The following COQ8A variants were observed in gnomAD, a reference collection of about 807,000 sequenced individuals.
COQ8A encodes atypical kinase COQ8A, mitochondrial.
In COQ8A, 51 loss-of-function variants were observed where a neutral mutation model predicts 65.0. The ratio of observed to expected loss-of-function variants is 0.78; its 90% CI spans 0.63 to 0.99. The LOEUF (loss-of-function observed/expected upper bound fraction) is 0.99. Ranked by LOEUF, COQ8A falls within the 50% of genes least tolerant of loss-of-function variation. The pLI is 0.00. For synonymous variants in COQ8A, 371 were observed against 353.2 expected, an observed-to-expected ratio of 1.05 and a Z score of -0.57; for missense variants, 940 against 875.0, an observed-to-expected ratio of 1.07 and a Z score of -0.94.
At chr1:226,974,535 ATCT>A (rs1449809330) in intron 4 of COQ8A, among the ~76,000 whole-genome samples, 1 of 152,228 alleles carries the variant, frequency 6.6e-6, no homozygotes, top group African/African-American at 2.4e-5. Context: ...TGAGGTGCTC[ATCT>A]TCTGGAGTTG....
chr1:226,979,487 G>T (rs1163330588), intron 5 of COQ8A, among the ~76,000 whole-genome samples: 3 of 152,174 alleles, frequency 2.0e-5, no homozygotes, highest in African/African-American at 4.8e-5. Context: ...CTTCCTCAAT[G>T]CCTCTGGAGT....
In COQ8A at chr1:226,982,041, C is replaced by T. The variant is rs199958142; in HGVS notation, c.745C>T (p.Leu249=). The change falls in exon 6 of 15, where the codon CTG becomes TTG. Residue 249 remains leucine (L), a synonymous_variant. Coordinates refer to ENST00000366777, the MANE Select transcript of COQ8A (RefSeq NM_020247.5). Reference sequence around the variant, plus strand: ...CCCGCCCACAGGGAAGAAGGCCGTGCTGGGTTCCAGTCCTTTCCTGTCCGA... The same window carrying T: ...CCCGCCCACAGGGAAGAAGGCCGTGTTGGGTTCCAGTCCTTTCCTGTCCGA... The part of the protein sequence containing the change: ...SEDPSGKKAV[L]GSSPFLSEAN... 1 of 1,612,944 alleles carries T rather than the reference C, an allele frequency of 6.2e-7. No individual in the cohort carries two copies. Among genetic ancestry groups the T allele is most frequent in the East Asian group, 2.2e-5 (1 of 44,878 alleles).
intron 5 of COQ8A, 63 bp downstream of exon 5, chr1:226,977,586 C>A: frequency 2.0e-6 from 3 of 1,505,880 alleles, no homozygotes; most frequent in Non-Finnish European, 1.8e-6. Context: ...CCTGTCAGCC[C>A]CCAGCCCCAC....
chr1:226,978,591 ACACT>A lies in COQ8A; in HGVS notation c.730+1070_730+1073del, dbSNP rs200774846. 8.3e-3 allele frequency among the ~76,000 whole-genome samples: 436 copies of A among 52,814 alleles called. 26 individuals are homozygous for A. The highest frequency in any genetic ancestry group is 0.019 in the African/African-American group (419 of 21,496). 34.6% of individuals were successfully genotyped at this position (52,814 alleles called of 152,430 possible). A position where few individuals can be genotyped will look rare whatever the true frequency, so the allele number is the denominator to read the frequency against. ...ACACACCACCTTACACACTCTCCAC[ACACT>A]CTACCCTCTACACACCCGCCCACCT... On this transcript the variant is annotated intron_variant, in intron 5 of 14. Transcript: ENST00000366777.
intron 1 of COQ8A, among the ~76,000 whole-genome samples, chr1:226,941,424 G>A (rs1656683201): frequency 6.6e-6 from 1 of 152,174 alleles, no homozygotes; most frequent in African/African-American, 2.4e-5. Flanking sequence ...TTGGAGGAAG[G>A]CCTTTCTCCC....
rs151183328 is a variant in COQ8A at position 226,966,630 on chromosome 1, G to A, written c.655+893G>A. On this transcript the variant is annotated intron_variant, in intron 4 of 14. Transcript: ENST00000366777. ...AGGGCTGTAGGCAGCAGAGGTCTGA[G>A]TGGTCCATGATGGTGCTGGTGCTGG... Among the ~76,000 whole-genome samples the A allele has an allele frequency of 4.7e-3, 712 of 152,326 alleles. 2 individuals carry two copies. Among genetic ancestry groups the A allele is most frequent in the Non-Finnish European group, 7.0e-3 (476 of 68,022 alleles).
chr1:226,977,520 T>G lies in COQ8A; in HGVS notation c.727T>G (p.Ser243Ala). 1 of 1,558,930 alleles carries G rather than the reference T, an allele frequency of 6.4e-7. No homozygotes were observed. The highest frequency in any genetic ancestry group is 8.7e-7 in the Non-Finnish European group (1 of 1,151,246). The change falls in exon 5 of 15, where the codon TCA becomes GCA. Residue 243 changes from serine (S) to alanine (A), a missense_variant. Physicochemically the swap from Ser to Ala is moderately conservative, Grantham distance 99. Coordinates refer to ENST00000366777, the MANE Select transcript of COQ8A (RefSeq NM_020247.5). ...AKKSLRSEDP[S>A]GKKAVLGSSP... The stretch of plus-strand genomic sequence containing the variant: ...GAAGAGCCTGCGCTCCGAGGACCCC[T>G]CAGGTGAGCCGGGCCCTTCAGTGGG...
intron 3 of COQ8A, 22 bp from the exon 4 acceptor site, chr1:226,965,649 T>A (rs774353638): frequency 3.0e-5 from 48 of 1,613,640 alleles, no homozygotes; most frequent in Non-Finnish European, 3.9e-5. Context: ...ATTCCACAGG[T>A]CTCTTTCTCG....
chr1:226,945,694 T>A (rs1319932828), intron 1 of COQ8A, among the ~76,000 whole-genome samples: 1 of 152,246 alleles, frequency 6.6e-6, no homozygotes, highest in Non-Finnish European at 1.5e-5. Context: ...ACCTGCTTGG[T>A]GCTCACGGTT....
chr1:226,950,215 C>G (rs962293828), intron 1 of COQ8A, among the ~76,000 whole-genome samples: 2 of 152,142 alleles, frequency 1.3e-5, no homozygotes, highest in African/African-American at 4.8e-5. Flanking sequence ...GTGTTGGGTC[C>G]TTCTCTGGAC....
rs549578296 is a variant in COQ8A, at chr1:226,984,861, T to C, written c.1507-15T>C. The C allele has an allele frequency of 2.2e-5, 36 of 1,613,876 alleles. No individual in the cohort carries two copies. The South Asian group carries it at 2.3e-4, about 10-fold the overall frequency. On this transcript the variant is annotated splice_polypyrimidine_tract_variant and intron_variant, in intron 12 of 14. Transcript: ENST00000366777. ...AGCACCAGGGCCAAACTTCTCCTGG[T>C]GTCTCTGTCCCCAGGTGGCTCTTTT...
At chr1:226,953,018 G>T (rs1377931134) in intron 1 of COQ8A, among the ~76,000 whole-genome samples, 1 of 151,952 alleles carries the variant, frequency 6.6e-6, no homozygotes, top group South Asian at 2.1e-4. Flanking sequence ...ACCTTTCACA[G>T]TGTTATTTTA....
intron 10 of COQ8A, 79 bp downstream of exon 10, chr1:226,983,933 C>T: frequency 1.3e-6 from 2 of 1,560,026 alleles, no homozygotes; most frequent in Non-Finnish European, 1.7e-6. Flanking sequence ...GGTGAAGGCC[C>T]CTCCAGCTCT....
In COQ8A at chr1:226,949,229, G is replaced by T. The variant is rs117381589; in HGVS notation, c.-10+8830G>T. On this transcript the variant is annotated intron_variant, in intron 1 of 14. Transcript: ENST00000366777. This position sits in a 1 kb window ranked among gnomAD's most constrained non-coding sequence, Gnocchi z 4.0. ...GAAAGGAGGCCGGGGGCCTGATTTC[G>T]ATGCCTGGGACTTCAGGCGCAGGAG... Among the ~76,000 whole-genome samples the T allele has an allele frequency of 6.6e-6, 1 of 152,082 alleles. No homozygotes were observed. The highest frequency in any genetic ancestry group is 1.9e-4 in the East Asian group (1 of 5,156).
Position 226,986,808 on chromosome 1 carries a change from G to A in COQ8A, c.*71G>A. ...CAGACAGGCCAAAAACCAGTAGCGAGGTCGTGGTGATGCTCTTTTTAACTC... is the reference window on the plus strand; with the variant it reads ...CAGACAGGCCAAAAACCAGTAGCGAAGTCGTGGTGATGCTCTTTTTAACTC... On this transcript the variant is annotated 3_prime_UTR_variant, in exon 15 of 15. Transcript: ENST00000366777. The A allele has an allele frequency of 6.4e-7, 1 of 1,552,930 alleles. No homozygotes were observed. The highest frequency in any genetic ancestry group is 2.4e-5 in the East Asian group (1 of 42,520).
intron 8 of COQ8A, 173 bp from the exon 9 acceptor site, chr1:226,983,379 C>A: frequency 1.4e-6 from 1 of 709,340 alleles, no homozygotes; most frequent in Non-Finnish European, 2.5e-6. Context: ...GACAACGAGG[C>A]TGTGATGGGG....
At position 226,946,687 on chromosome 1, in the gene COQ8A, A is replaced by C. The variant is rs559778747; in HGVS notation, c.-10+6288A>C. On this transcript the variant is annotated intron_variant, in intron 1 of 14. Coordinates refer to ENST00000366777, the MANE Select transcript of COQ8A (RefSeq NM_020247.5). The surrounding 1 kb of genome is among the most constrained non-coding windows in gnomAD (Gnocchi z 5.3). The stretch of plus-strand genomic sequence containing the variant: ...ATTTTAAAAGCTATCGAGGTTTTAC[A>C]TACACATGTAGTGCCTAAGGGTTGT... 3.3e-5 allele frequency among the ~76,000 whole-genome samples: 5 copies of C among 152,334 alleles called. No homozygotes were observed. In the South Asian group the frequency reaches 1.0e-3, roughly 32 times the overall value.
chr1:226,982,466 CCCA>C (rs1475601023), intron 6 of COQ8A: 2 of 661,484 alleles, frequency 3.0e-6, no homozygotes, highest in Non-Finnish European at 5.2e-6. Context: ...GTGTAAAAAG[CCCA>C]CCTTCTCAGG....
chr1:226,945,285 G>A (rs1656967020), intron 1 of COQ8A, among the ~76,000 whole-genome samples: 1 of 152,058 alleles, frequency 6.6e-6, no homozygotes, highest in African/African-American at 2.4e-5. Context: ...CCTCCCCGTC[G>A]GCCCTCATCA....
Sources: gnomAD v4.1 joint callset for allele counts (sites outside exome capture counted in the v4.1 genomes callset) on GRCh38, gnomAD v4.1.1 for gene constraint, Gnocchi (gnomAD v3.1) non-coding constraint, MANE v1.5 for transcripts, NCBI Gene and HGNC (gene_info 2026-07-23, HGNC 2026-07-21) for gene names.